Variants in GABRB2 observed in about 807,000 individuals in gnomAD.
GABRB2 encodes gamma-aminobutyric acid receptor subunit beta-2.
GABRB2 carries 16 observed loss-of-function variants against 54.7 expected under a neutral mutation model. The observed-to-expected ratio is 0.29, with a 90% CI of 0.20 to 0.44. The LOEUF (loss-of-function observed/expected upper bound fraction) is 0.44, where lower values mean the gene tolerates loss of function less well. Among genes scored for constraint, GABRB2 ranks in the 20% least tolerant of loss-of-function variants. The pLI is 1.00. For synonymous variants in GABRB2, 244 were observed against 233.8 expected (o/e 1.04, Z -0.40); for missense variants, 355 against 644.0 (o/e 0.55, Z 4.86).
At chr5:161,472,543 G>C (rs1159909591) in intron 3 of GABRB2, among the ~76,000 whole-genome samples, 2 of 151,752 alleles carry the variant, frequency 1.3e-5, no homozygotes. Context: ...GGAGATGAAT[G>C]TCAGTCCCTG....
chr5:161,390,457 C>T (rs923304743), intron 5 of GABRB2, among the ~76,000 whole-genome samples: 3 of 151,892 alleles, frequency 2.0e-5, no homozygotes, highest in Admixed American at 6.6e-5. Flanking sequence ...AAATGCAACA[C>T]CCTAGGTTGG....
At chr5:161,518,146 T>G (rs532962282) in intron 3 of GABRB2, among the ~76,000 whole-genome samples, 1 of 152,238 alleles carries the variant, frequency 6.6e-6, no homozygotes, top group African/African-American at 2.4e-5. Context: ...TGAGGTACAT[T>G]TGAAGAAAAG....
intron 5 of GABRB2, among the ~76,000 whole-genome samples, chr5:161,361,852 T>C (rs1014258813): frequency 1.3e-5 from 2 of 152,194 alleles, no homozygotes; most frequent in Non-Finnish European, 2.9e-5. Context: ...TATTTGCCCA[T>C]ACATACCTCC....
intron 9 of GABRB2, among the ~76,000 whole-genome samples, chr5:161,316,953 G>A (rs1181445417): frequency 6.6e-6 from 1 of 152,032 alleles, no homozygotes; most frequent in Non-Finnish European, 1.5e-5. Context: ...AACGTTTAAT[G>A]TGCTATTTAC....
At chr5:161,463,555 T>TATATATATATATA (rs1236064276) in intron 3 of GABRB2, among the ~76,000 whole-genome samples, 6 of 23,704 alleles carry the variant, frequency 2.5e-4, no homozygotes, top group Admixed American at 6.5e-4. Flanking sequence ...ATATTTTTAT[T>TATATATATATATA]TATATATATA....
At chr5:161,308,361 T>A (rs192227115) in intron 9 of GABRB2, among the ~76,000 whole-genome samples, 77 of 152,124 alleles carry the variant, frequency 5.1e-4, no homozygotes, top group African/African-American at 1.7e-3. Context: ...GCCAATGAAA[T>A]GAAAAGAGAA....
intron 5 of GABRB2, among the ~76,000 whole-genome samples, chr5:161,394,486 A>G (rs1755933415): frequency 6.6e-6 from 1 of 152,002 alleles, no homozygotes; most frequent in Non-Finnish European, 1.5e-5. Context: ...GAGAATACAA[A>G]TCACCATATT....
intron 3 of GABRB2, among the ~76,000 whole-genome samples, chr5:161,521,921 C>T (rs1760127721): frequency 6.6e-6 from 1 of 151,842 alleles, no homozygotes; most frequent in Non-Finnish European, 1.5e-5. Flanking sequence ...TTTTAATACT[C>T]TGAGAAAGAC....
chr5:161,493,299 G>A (rs1581031730), intron 3 of GABRB2, among the ~76,000 whole-genome samples: 1 of 151,708 alleles, frequency 6.6e-6, no homozygotes, highest in East Asian at 1.9e-4. Context: ...CAAATGAGAT[G>A]CTTAGATATT....
At chr5:161,315,301 C>T (rs769551353) in intron 9 of GABRB2, among the ~76,000 whole-genome samples, 2 of 152,154 alleles carry the variant, frequency 1.3e-5, no homozygotes, top group Non-Finnish European at 2.9e-5. Flanking sequence ...AAGTCTTTCA[C>T]TCTTTGCAGG....
intron 3 of GABRB2, among the ~76,000 whole-genome samples, chr5:161,506,643 T>C (rs1217282213): frequency 1.3e-5 from 2 of 152,104 alleles, no homozygotes; most frequent in Non-Finnish European, 2.9e-5. Context: ...CTTGATGACA[T>C]GAAATTATAA....
At chr5:161,347,613 C>G (rs1052978295) in intron 5 of GABRB2, among the ~76,000 whole-genome samples, 7 of 152,038 alleles carry the variant, frequency 4.6e-5, no homozygotes, top group Non-Finnish European at 8.8e-5. Flanking sequence ...GATTCAGTTA[C>G]CTTCATCATG....
At chr5:161,372,742 C>T (rs1052087491) in intron 5 of GABRB2, among the ~76,000 whole-genome samples, 2 of 152,174 alleles carry the variant, frequency 1.3e-5, no homozygotes, top group African/African-American at 4.8e-5. Flanking sequence ...TTAAAATTCA[C>T]ATCAATTCCA....
intron 3 of GABRB2, among the ~76,000 whole-genome samples, chr5:161,492,837 A>G (rs894752390): frequency 1.3e-5 from 2 of 151,716 alleles, no homozygotes; most frequent in African/African-American, 4.8e-5. Context: ...ACATCTTTCA[A>G]ATGAGTACAT....
intron 3 of GABRB2, among the ~76,000 whole-genome samples, chr5:161,487,389 T>C (rs961419994): frequency 1.3e-4 from 20 of 151,938 alleles, no homozygotes; most frequent in Admixed American, 6.6e-4. Flanking sequence ...TCATTCCCAT[T>C]GCCCACACTC....
At chr5:161,350,630 G>T (rs772729709) in intron 5 of GABRB2, among the ~76,000 whole-genome samples, 3 of 152,054 alleles carry the variant, frequency 2.0e-5, no homozygotes, top group Non-Finnish European at 4.4e-5. Context: ...GTCTGTGAGG[G>T]CGTTGCCAAA....
intron 5 of GABRB2, among the ~76,000 whole-genome samples, chr5:161,410,731 C>T (rs927211807): frequency 6.6e-6 from 1 of 152,150 alleles, no homozygotes; most frequent in African/African-American, 2.4e-5. Flanking sequence ...TAGCATATTC[C>T]TTTTATTGCC....
At chr5:161,391,576 CAT>C (rs2113038516) in intron 5 of GABRB2, among the ~76,000 whole-genome samples, 1 of 152,168 alleles carries the variant, frequency 6.6e-6, no homozygotes, top group African/African-American at 2.4e-5. Context: ...GATTAGAAAA[CAT>C]AACATCATCG....
chr5:161,412,569 C>T (rs1325333102), intron 4 of GABRB2, among the ~76,000 whole-genome samples: 1 of 152,180 alleles, frequency 6.6e-6, no homozygotes, highest in Non-Finnish European at 1.5e-5. Context: ...CACTCCTCTG[C>T]CTAACATTTT....
Sources: gnomAD v4.1 joint callset for allele counts (sites outside exome capture counted in the v4.1 genomes callset) on GRCh38, gnomAD v4.1.1 for gene constraint, MANE v1.5 for transcripts, NCBI Gene and HGNC (gene_info 2026-07-23, HGNC 2026-07-21) for gene names.